The following FKBP1B variants were observed in gnomAD, a reference collection of about 807,000 sequenced individuals.
The protein encoded by FKBP1B is peptidyl-prolyl cis-trans isomerase FKBP1B.
In FKBP1B, 4 loss-of-function variants were observed where a neutral mutation model predicts 13.5. The observed-to-expected ratio is 0.30, with a 90% CI of 0.15 to 0.68. FKBP1B has a LOEUF of 0.68. Ranked by LOEUF, FKBP1B falls within the 30% of genes least tolerant of loss-of-function variation. The pLI, the probability that FKBP1B is intolerant of heterozygous loss-of-function variation, is 0.76. For missense variants in FKBP1B, 93 were observed against 136.2 expected (o/e 0.68, Z 1.58); for synonymous variants, 54 against 53.6 (o/e 1.01, Z -0.03).
chr2:24,043,009 G>C, the FKBP1B span, among the ~76,000 whole-genome samples: 1 of 147,996 alleles, frequency 6.8e-6, no homozygotes, highest in African/African-American at 2.5e-5. Context: ...CTCCAGCCTG[G>C]GCAAAAAGAG....
the FKBP1B span, among the ~76,000 whole-genome samples, chr2:24,037,122 G>C: frequency 6.6e-5 from 10 of 152,196 alleles, no homozygotes; most frequent in African/African-American, 2.4e-4. Flanking sequence ...GTGCCTCCCG[G>C]GCTCAAGTGA....
chr2:24,051,780 G>T (rs1663889299), intron 1 of FKBP1B, among the ~76,000 whole-genome samples: 1 of 152,154 alleles, frequency 6.6e-6, no homozygotes, highest in Admixed American at 6.6e-5. Context: ...TCTGTGGTCA[G>T]TTAGCTGCTC....
the FKBP1B span, chr2:24,038,477 G>GA: frequency 6.2e-7 from 1 of 1,614,224 alleles, no homozygotes; most frequent in South Asian, 1.1e-5. Flanking sequence ...TCAGGAACCA[G>GA]AATGCCTGGA....
At chr2:24,062,457 G>A (rs1387086375) in intron 3 of FKBP1B, among the ~76,000 whole-genome samples, 1 of 152,190 alleles carries the variant, frequency 6.6e-6, no homozygotes, top group African/African-American at 2.4e-5. Context: ...GAGATTACAG[G>A]TGTGAGCCAC....
intron 2 of FKBP1B, among the ~76,000 whole-genome samples, chr2:24,059,502 G>A (rs1316594940): frequency 6.6e-6 from 1 of 152,150 alleles, no homozygotes; most frequent in African/African-American, 2.4e-5. Context: ...CCTTTTGGGG[G>A]AAACTTAGGA....
the FKBP1B span, among the ~76,000 whole-genome samples, chr2:24,040,272 G>T: frequency 6.6e-6 from 1 of 152,140 alleles, no homozygotes; most frequent in Non-Finnish European, 1.5e-5. Context: ...CACACAGAAA[G>T]AAAACAAATG....
Position 24,053,931 on chromosome 2 carries a change from T to G in FKBP1B, c.67T>G (p.Cys23Gly), listed in dbSNP as rs1439046701. The G allele has an allele frequency of 1.9e-6, 3 of 1,614,174 alleles. No homozygotes were observed. The highest frequency in any genetic ancestry group is 2.5e-6 in the Non-Finnish European group (3 of 1,180,014). ...GACATTCCCCAAGAAGGGCCAAACG[T>G]GTGTGGTGCACTACACAGGTAAGTC... is the stretch of plus-strand genomic sequence containing the variant. ...GRTFPKKGQTCVVHYTGMLQN... is the reference protein window; with the variant it reads ...GRTFPKKGQTGVVHYTGMLQN... The change falls in exon 2 of 4, where the codon TGT (cysteine) becomes GGT (glycine). Residue 23 changes from cysteine to glycine, a missense_variant. Physicochemically the swap from Cys to Gly is radical, Grantham distance 159. Transcript: ENST00000380986.
chr2:24,059,730 C>T (rs905578803), intron 2 of FKBP1B, among the ~76,000 whole-genome samples: 1 of 151,616 alleles, frequency 6.6e-6, no homozygotes, highest in African/African-American at 2.4e-5. Flanking sequence ...CCCATCTCTA[C>T]TAAAAATATA....
the FKBP1B span, chr2:24,033,274 G>T: frequency 2.2e-6 from 1 of 464,068 alleles, no homozygotes; most frequent in South Asian, 1.7e-5. Context: ...ACACCTTCTT[G>T]GCTGTTTCAG....
chr2:24,045,621 G>A (rs1378113264), upstream of FKBP1B, among the ~76,000 whole-genome samples: 2 of 80,446 alleles, frequency 2.5e-5, no homozygotes, highest in Admixed American at 1.2e-4. Flanking sequence ...AAAAAAAAAA[G>A]AGAGAGAGAG....
the FKBP1B span, among the ~76,000 whole-genome samples, chr2:24,042,695 G>A: frequency 6.7e-6 from 1 of 149,706 alleles, no homozygotes; most frequent in African/African-American, 2.5e-5. Context: ...GGCAACAAGA[G>A]TGAAACTCTG....
At chr2:24,038,956 T>A in the FKBP1B span, 1 of 1,614,208 alleles carries the variant, frequency 6.2e-7, no homozygotes. Flanking sequence ...AATATAAGAA[T>A]GCAGGCTGCT....
chr2:24,037,800 A>G, the FKBP1B span: 3 of 1,614,128 alleles, frequency 1.9e-6, no homozygotes, highest in South Asian at 1.1e-5. Flanking sequence ...CCAGGTTCCT[A>G]GATAAAATTT....
the FKBP1B span, chr2:24,039,460 C>T: frequency 6.2e-7 from 1 of 1,614,160 alleles, no homozygotes; most frequent in Non-Finnish European, 8.5e-7. Flanking sequence ...CGCATTCAGT[C>T]CAGTCCTGAG....
At chr2:24,046,792 A>G (rs1663640281), upstream of FKBP1B, among the ~76,000 whole-genome samples, 1 of 152,198 alleles carries the variant, frequency 6.6e-6, no homozygotes, top group Non-Finnish European at 1.5e-5. Context: ...TAATCCCTCT[A>G]GACTCTTCTA....
In FKBP1B at chr2:24,063,468, A is replaced by AT; in HGVS notation, c.*276_*277insT. On this transcript the variant is annotated 3_prime_UTR_variant, in exon 4 of 4. Coordinates refer to ENST00000380986, the MANE Select transcript of FKBP1B (RefSeq NM_004116.5). Reference sequence around the variant, plus strand: ...GTAGCCTTTCCTGATGACAGAACACAGATCTCTTGTTCGCACAATCTACAC... The same window carrying AT: ...GTAGCCTTTCCTGATGACAGAACACATGATCTCTTGTTCGCACAATCTACAC... The AT allele has an allele frequency of 5.4e-6, 2 of 367,586 alleles. No homozygotes were observed. The highest frequency in any genetic ancestry group is 4.5e-5 in the Admixed American group (1 of 22,104). 22.8% of individuals were successfully genotyped at this position (367,586 alleles called of 1,614,324 possible).
chr2:24,044,909 A>C (rs1367707583), upstream of FKBP1B, among the ~76,000 whole-genome samples: 1 of 152,132 alleles, frequency 6.6e-6, no homozygotes, highest in African/African-American at 2.4e-5. Flanking sequence ...TACAGTATAT[A>C]AAAAGCCTCA....
At chr2:24,056,833 G>A (rs1413959544) in intron 2 of FKBP1B, among the ~76,000 whole-genome samples, 1 of 152,112 alleles carries the variant, frequency 6.6e-6, no homozygotes, top group Non-Finnish European at 1.5e-5. Context: ...TGGGATTACA[G>A]GTGTGTGCCA....
At chr2:24,048,632 C>T (rs1663710789), upstream of FKBP1B, among the ~76,000 whole-genome samples, 1 of 151,828 alleles carries the variant, frequency 6.6e-6, no homozygotes, top group African/African-American at 2.4e-5. Context: ...TATACTTGGC[C>T]TCACATCAAT....
Sources: gnomAD v4.1 joint callset for allele counts (sites outside exome capture counted in the v4.1 genomes callset) on GRCh38, gnomAD v4.1.1 for gene constraint, MANE v1.5 for transcripts, NCBI Gene and HGNC (gene_info 2026-07-23, HGNC 2026-07-21) for gene names.